TMEM132C: variants seen among roughly 807,000 people sequenced by gnomAD.
TMEM132C encodes the protein transmembrane protein 132C, also known as protein phosphatase 1, regulatory subunit 152.
Under a neutral mutation model 61.4 loss-of-function variants are expected in TMEM132C, and 29 were observed. The observed-to-expected ratio is 0.47, with a 90% CI of 0.35 to 0.64. The LOEUF (loss-of-function observed/expected upper bound fraction) is 0.64, where lower values mean the gene tolerates loss of function less well. Ranked by LOEUF, TMEM132C falls within the 30% of genes least tolerant of loss-of-function variation. TMEM132C has a pLI of 0.00. For missense variants in TMEM132C, 1,408 were observed against 1,476.9 expected (o/e 0.95, Z 0.76); for synonymous variants, 656 against 633.1 (o/e 1.04, Z -0.54).
chr12:128,578,878 G>A (rs149097941), intron 3 of TMEM132C, among the ~76,000 whole-genome samples: 12 of 152,188 alleles, frequency 7.9e-5, no homozygotes, highest in South Asian at 2.1e-4. Context: ...GATTAGAGGC[G>A]TGAGCCACCA....
chr12:128,616,403 C>T lies in TMEM132C; in HGVS notation c.1305+68C>T, dbSNP rs557278695. 29 of 1,428,786 alleles carry T rather than the reference C, an allele frequency of 2.0e-5. No individual in the cohort carries two copies. In the East Asian group the frequency reaches 6.0e-4, roughly 30 times the overall value. 88.5% of individuals were successfully genotyped at this position (1,428,786 alleles called of 1,614,324 possible). On this transcript the variant is annotated intron_variant, in intron 4 of 8. Transcript: ENST00000435159. Reference sequence around the variant, plus strand: ...TGACTGCATCCTGTGTCCTTCCTATCTGTCATGGGATGTTTGCTACAATGA... The same window carrying T: ...TGACTGCATCCTGTGTCCTTCCTATTTGTCATGGGATGTTTGCTACAATGA...
At chr12:128,682,199 C>T (rs1954640989) in intron 5 of TMEM132C, among the ~76,000 whole-genome samples, 1 of 152,206 alleles carries the variant, frequency 6.6e-6, no homozygotes, top group Non-Finnish European at 1.5e-5. Context: ...CAAACCTCTA[C>T]ACAGGAGTGG....
At chr12:128,368,158 A>G (rs1873925144) in intron 1 of TMEM132C, among the ~76,000 whole-genome samples, 1 of 152,226 alleles carries the variant, frequency 6.6e-6, no homozygotes. Flanking sequence ...GCAAATGGAC[A>G]TGGGGCATAG....
In TMEM132C at chr12:128,306,903, A is replaced by G. The variant is rs537545875; in HGVS notation, c.85+39416A>G. ...TGTTAGCATGGTTAGCCACTGAGTG[A>G]ACCCATGTTCTTTAGCTGTAAGCAA... On this transcript the variant is annotated intron_variant, in intron 1 of 8. Transcript: ENST00000435159. Among the ~76,000 whole-genome samples, 53 of 152,356 alleles carry G rather than the reference A, an allele frequency of 3.5e-4. 1 individual carries two copies. In the South Asian group the frequency reaches 0.011, roughly 31 times the overall value.
chr12:128,336,358 G>A (rs1872791200), intron 1 of TMEM132C, among the ~76,000 whole-genome samples: 1 of 152,122 alleles, frequency 6.6e-6, no homozygotes, highest in African/African-American at 2.4e-5. Context: ...TTTTCTCTGT[G>A]CAATCTGTAC....
At chr12:128,639,848 A>G (rs60781399) in intron 4 of TMEM132C, among the ~76,000 whole-genome samples, 18,395 of 152,204 alleles carry the variant, frequency 0.12, 1,459 homozygotes, top group African/African-American at 0.23. Flanking sequence ...AGGATGTGTA[A>G]GTCCACTGTG....
chr12:128,428,798 G>T (rs926747668), intron 2 of TMEM132C, among the ~76,000 whole-genome samples: 2 of 152,120 alleles, frequency 1.3e-5, no homozygotes, highest in South Asian at 4.2e-4. Flanking sequence ...CACCAGGACG[G>T]GTTCCCCAGC....
chr12:128,413,362 G>A (rs181640440), intron 1 of TMEM132C, among the ~76,000 whole-genome samples: 1 of 141,630 alleles, frequency 7.1e-6, no homozygotes, highest in East Asian at 2.2e-4. Flanking sequence ...TGTGTTTTCT[G>A]ATTGCCAGAG....
chr12:128,421,706 A>G (rs1235022026), intron 2 of TMEM132C, among the ~76,000 whole-genome samples: 1 of 152,252 alleles, frequency 6.6e-6, no homozygotes, highest in African/African-American at 2.4e-5. Flanking sequence ...CATGAGACCC[A>G]AAAGTCAAGG....
At chr12:128,590,198 A>G (rs950589626) in intron 3 of TMEM132C, among the ~76,000 whole-genome samples, 1 of 152,210 alleles carries the variant, frequency 6.6e-6, no homozygotes, top group African/African-American at 2.4e-5. Flanking sequence ...AGTCAGAGTT[A>G]GTGCATTCAC....
intron 1 of TMEM132C, among the ~76,000 whole-genome samples, chr12:128,297,731 C>T (rs901143004): frequency 1.1e-4 from 16 of 152,000 alleles, no homozygotes; most frequent in Non-Finnish European, 1.8e-4. Flanking sequence ...GAACTTTTTC[C>T]TTCTGACACC....
rs1274668940 is a variant in TMEM132C, at chr12:128,695,962, G to A, written c.1788G>A (p.Pro596=). The A allele has an allele frequency of 7.7e-6, 12 of 1,551,660 alleles. No individual in the cohort carries two copies. The highest frequency in any genetic ancestry group is 1.7e-4 in the Middle Eastern group (1 of 6,014). ...VSEGAGPWGQ[P]NYLLSPNWQF... Reference sequence around the variant, plus strand: ...AGGGCGCCGGTCCATGGGGCCAGCCGAACTACCTGCTTAGTCCTAACTGGC... The same window carrying A: ...AGGGCGCCGGTCCATGGGGCCAGCCAAACTACCTGCTTAGTCCTAACTGGC... Residue 596 remains proline, a synonymous_variant, in exon 7 of 9, where the codon CCG becomes CCA. Transcript: ENST00000435159.
At chr12:128,368,275 G>A (rs896987345) in intron 1 of TMEM132C, among the ~76,000 whole-genome samples, 1 of 152,224 alleles carries the variant, frequency 6.6e-6, no homozygotes, top group African/African-American at 2.4e-5. Context: ...CGGAAGCAAC[G>A]TCCATTTGGT....
intron 3 of TMEM132C, among the ~76,000 whole-genome samples, chr12:128,571,180 A>T (rs1874867209): frequency 6.6e-6 from 1 of 152,188 alleles, no homozygotes; most frequent in African/African-American, 2.4e-5. Flanking sequence ...AGAAACTTGG[A>T]AACTCTCTGT....
chr12:128,573,911 A>G (rs985364875), intron 3 of TMEM132C, among the ~76,000 whole-genome samples: 1 of 151,820 alleles, frequency 6.6e-6, no homozygotes, highest in African/African-American at 2.4e-5. Context: ...AAAAAAAAAA[A>G]AGAGAGTGGT....
intron 1 of TMEM132C, among the ~76,000 whole-genome samples, chr12:128,316,096 C>T (rs1872142544): frequency 6.6e-6 from 1 of 151,832 alleles, no homozygotes; most frequent in African/African-American, 2.4e-5. Context: ...ATAAATCCCC[C>T]AAGCAGGAGA....
chr12:128,628,702 T>C (rs1593126114), intron 4 of TMEM132C, among the ~76,000 whole-genome samples: 1 of 152,136 alleles, frequency 6.6e-6, no homozygotes, highest in Non-Finnish European at 1.5e-5. Flanking sequence ...TAGGTGGGTG[T>C]ATGACCCGCC....
chr12:128,670,174 A>G (rs571949228), intron 5 of TMEM132C, among the ~76,000 whole-genome samples: 47,412 of 152,012 alleles, frequency 0.31, 7,793 homozygotes, highest in African/African-American at 0.43. Flanking sequence ...GCTGGGTGTG[A>G]TGGTGCACAC....
Position 128,437,260 on chromosome 12 carries a change from C to T in TMEM132C, c.974+21640C>T, listed in dbSNP as rs192056316. Among the ~76,000 whole-genome samples, 152 of 152,252 alleles carry T rather than the reference C, an allele frequency of 1.0e-3. 1 individual carries two copies. The highest frequency in any genetic ancestry group is 3.5e-3 in the African/African-American group (145 of 41,558). On this transcript the variant is annotated intron_variant, in intron 2 of 8. Transcript: ENST00000435159. The stretch of plus-strand genomic sequence containing the variant: ...TGTATACATATGGAACAAACCTGCA[C>T]GTTGTGCACATGTACCCTAGAACTT...
Sources: gnomAD v4.1 joint callset for allele counts (sites outside exome capture counted in the v4.1 genomes callset) on GRCh38, gnomAD v4.1.1 for gene constraint, MANE v1.5 for transcripts, NCBI Gene and HGNC (gene_info 2026-07-23, HGNC 2026-07-21) for gene names.